The following SLC9A8 variants were observed in gnomAD, a reference collection of about 807,000 sequenced individuals.
SLC9A8 encodes the protein sodium/hydrogen exchanger 8.
SLC9A8 carries 48 observed loss-of-function variants against 66.6 expected under a neutral mutation model. That is an observed-to-expected ratio of 0.72 (90% CI 0.57 to 0.92). SLC9A8 has a LOEUF of 0.92. Ranked by LOEUF, SLC9A8 falls within the 40% of genes least tolerant of loss-of-function variation. The pLI is 0.00. For missense variants in SLC9A8, 599 were observed against 747.3 expected (o/e 0.80, Z 2.31); for synonymous variants, 274 against 282.6 (o/e 0.97, Z 0.31).
rs2089915016 is a variant in SLC9A8, at chr20:49,886,969, G to A, written c.1638+71G>A. The A allele has an allele frequency of 2.0e-6, 3 of 1,522,104 alleles. No homozygotes were observed. The highest frequency in any genetic ancestry group is 1.8e-4 in the Middle Eastern group (1 of 5,700). The allele number at this position is 1,522,104 out of a possible 1,614,324, so 94.3% of individuals were successfully genotyped here. A position where few individuals can be genotyped will look rare whatever the true frequency, so the allele number is the denominator to read the frequency against. On this transcript the variant is annotated intron_variant, in intron 15 of 15. Transcript: ENST00000361573. The surrounding 1 kb of genome is among the most constrained non-coding windows in gnomAD (Gnocchi z 4.8). The stretch of plus-strand genomic sequence containing the variant: ...CTCCTTCAGGACCTGCGGTGGCCCA[G>A]GGTGGGGTGGAGGAAGAGTGGGGAG...
At chr20:49,880,378 C>T (rs569363956) in intron 12 of SLC9A8, among the ~76,000 whole-genome samples, 8 of 152,268 alleles carry the variant, frequency 5.3e-5, no homozygotes, top group African/African-American at 9.6e-5. Flanking sequence ...CAGGCTAAGC[C>T]GGGGCATGTG....
rs574655686 is a variant in SLC9A8, at chr20:49,838,139, A to G, written c.290-1402A>G. ...AGGATAGAGAAGGGCCTGATATAAT[A>G]TTTCCCAAACTTTCCAAGATAGTTG... On this transcript the variant is annotated intron_variant, in intron 3 of 15. Transcript: ENST00000361573. 5.3e-5 allele frequency among the ~76,000 whole-genome samples: 8 copies of G among 152,320 alleles called. No homozygotes were observed. In the South Asian group the frequency reaches 1.4e-3, roughly 28 times the overall value.
At chr20:49,869,637 T>C (rs1227181388) in intron 10 of SLC9A8, among the ~76,000 whole-genome samples, 1 of 151,574 alleles carries the variant, frequency 6.6e-6, no homozygotes, top group Admixed American at 6.6e-5. Flanking sequence ...ATCAAAACCA[T>C]TCTGGCTAAT....
intron 13 of SLC9A8, among the ~76,000 whole-genome samples, chr20:49,883,582 C>T (rs910952627): frequency 6.6e-6 from 1 of 152,194 alleles, no homozygotes; most frequent in Non-Finnish European, 1.5e-5. Flanking sequence ...CTAAGTCCTC[C>T]CGCACCCGCA....
At chr20:49,851,221 G>T (rs1445806075) in intron 7 of SLC9A8, among the ~76,000 whole-genome samples, 1 of 152,194 alleles carries the variant, frequency 6.6e-6, no homozygotes, top group Non-Finnish European at 1.5e-5. Flanking sequence ...GATGGAGAGG[G>T]GGAGTGACGG....
At chr20:49,833,597 G>A (rs1261704144) in intron 3 of SLC9A8, among the ~76,000 whole-genome samples, 2 of 152,188 alleles carry the variant, frequency 1.3e-5, no homozygotes, top group South Asian at 2.1e-4. Flanking sequence ...TTGTAGTAGT[G>A]TAGGCAGCCT....
intron 8 of SLC9A8, among the ~76,000 whole-genome samples, chr20:49,858,966 AAAAG>A (rs201206235): frequency 0.14 from 20,484 of 150,734 alleles, 2,363 homozygotes; most frequent in African/African-American, 0.33. Flanking sequence ...AAAAAAAAAA[AAAAG>A]AAAGAAAAGA....
At chr20:49,871,442 G>T (rs548533442) in intron 10 of SLC9A8, among the ~76,000 whole-genome samples, 1 of 152,134 alleles carries the variant, frequency 6.6e-6, no homozygotes, top group Non-Finnish European at 1.5e-5. Flanking sequence ...TTTCTTAAAC[G>T]ATTTTGCCTA....
intron 2 of SLC9A8, among the ~76,000 whole-genome samples, chr20:49,822,486 T>TA (rs1256414202): frequency 1.3e-5 from 2 of 152,154 alleles, no homozygotes; most frequent in South Asian, 4.1e-4. Context: ...ACAGCTTATA[T>TA]AAAAAAATAG....
At chr20:49,881,351 TG>T (rs147779316) in intron 13 of SLC9A8, among the ~76,000 whole-genome samples, 16,151 of 152,206 alleles carry the variant, frequency 0.11, 901 homozygotes, top group African/African-American at 0.14. Flanking sequence ...AGCGCCTCCC[TG>T]GGGGTCTTCT....
chr20:49,832,459 C>T (rs889292539), intron 3 of SLC9A8, among the ~76,000 whole-genome samples: 2 of 152,170 alleles, frequency 1.3e-5, no homozygotes, highest in Non-Finnish European at 1.5e-5. Flanking sequence ...TGCATAAGAA[C>T]AGGAAGTCAC....
At chr20:49,824,880 G>A (rs1292610094) in intron 3 of SLC9A8, among the ~76,000 whole-genome samples, 6 of 152,210 alleles carry the variant, frequency 3.9e-5, no homozygotes, top group African/African-American at 1.4e-4. Flanking sequence ...GCAAGGCAGT[G>A]TGAAACCCAG....
chr20:49,840,585 T>C lies in SLC9A8; in HGVS notation c.348+986T>C, dbSNP rs114243107. ...AATAGTAGTAATGAAATATTTTATA[T>C]ATTAAATAAATTTTGAAAATGTATA... is the stretch of plus-strand genomic sequence containing the variant. On this transcript the variant is annotated intron_variant, in intron 4 of 15. Coordinates refer to ENST00000361573, the MANE Select transcript of SLC9A8 (RefSeq NM_015266.3). Among the ~76,000 whole-genome samples, 605 of 152,286 alleles carry C rather than the reference T, an allele frequency of 4.0e-3. 5 individuals are homozygous for C. The highest frequency in any genetic ancestry group is 0.014 in the African/African-American group (566 of 41,552).
intron 5 of SLC9A8, among the ~76,000 whole-genome samples, chr20:49,846,245 A>G (rs1032382969): frequency 5.9e-5 from 9 of 152,162 alleles, no homozygotes; most frequent in Non-Finnish European, 8.8e-5. Context: ...ACATAAATGT[A>G]TTTAAGTTTT....
chr20:49,851,539 G>A (rs1477914303), intron 7 of SLC9A8, among the ~76,000 whole-genome samples: 1 of 152,228 alleles, frequency 6.6e-6, no homozygotes, highest in African/African-American at 2.4e-5. Flanking sequence ...GACATGGCTG[G>A]GGAGCTGGGC....
At chr20:49,861,921 A>G (rs1266069844) in intron 8 of SLC9A8, among the ~76,000 whole-genome samples, 1 of 151,948 alleles carries the variant, frequency 6.6e-6, no homozygotes, top group Non-Finnish European at 1.5e-5. Flanking sequence ...TTCTAATCTG[A>G]CTTGCCATAG....
At chr20:49,824,467 A>G (rs978293165) in intron 3 of SLC9A8, among the ~76,000 whole-genome samples, 11 of 152,166 alleles carry the variant, frequency 7.2e-5, no homozygotes, top group African/African-American at 2.7e-4. Context: ...TCTAAGAACT[A>G]CTCCAAGGAA....
intron 4 of SLC9A8, among the ~76,000 whole-genome samples, chr20:49,841,068 G>T (rs1025265853): frequency 1.7e-4 from 26 of 152,120 alleles, no homozygotes; most frequent in African/African-American, 6.3e-4. Flanking sequence ...ATTTTGAGAG[G>T]CTGAGTCACG....
At chr20:49,880,886 A>G (rs2089602419) in intron 12 of SLC9A8, 38 bp from the exon 13 acceptor site, 3 of 1,374,332 alleles carry the variant, frequency 2.2e-6, no homozygotes, top group African/African-American at 2.9e-5. Context: ...GAAGAGCCAG[A>G]TGTTTTCACC....
Sources: allele counts gnomAD v4.1 joint callset (sites outside exome capture counted in the v4.1 genomes callset), GRCh38; gene constraint gnomAD v4.1.1; non-coding constraint Gnocchi (gnomAD v3.1); transcripts MANE v1.5; gene names NCBI Gene and HGNC (gene_info 2026-07-23, HGNC 2026-07-21).